Variants in ADAMTS2 observed in about 807,000 individuals in gnomAD.
ADAMTS2 encodes A disintegrin and metalloproteinase with thrombospondin motifs 2.
In ADAMTS2, 50 loss-of-function variants were observed where a neutral mutation model predicts 123.0. The ratio of observed to expected loss-of-function variants is 0.41; its 90% CI spans 0.32 to 0.51. The LOEUF (loss-of-function observed/expected upper bound fraction) is 0.51. Among genes scored for constraint, ADAMTS2 ranks in the 20% least tolerant of loss-of-function variants. The pLI, the probability that ADAMTS2 is intolerant of heterozygous loss-of-function variation, is 0.35. For synonymous variants in ADAMTS2, 678 were observed against 695.4 expected, an observed-to-expected ratio of 0.98 and a Z score of 0.39; for missense variants, 1,494 against 1,705.2, an observed-to-expected ratio of 0.88 and a Z score of 2.18.
chr5:179,134,694 C>T (rs1324847811), intron 13 of ADAMTS2, among the ~76,000 whole-genome samples: 1 of 152,166 alleles, frequency 6.6e-6, no homozygotes, highest in Non-Finnish European at 1.5e-5. Flanking sequence ...GTCACAGGAG[C>T]AAATGCAGAG....
At chr5:179,209,109 C>G (rs977921799) in intron 3 of ADAMTS2, among the ~76,000 whole-genome samples, 1 of 152,230 alleles carries the variant, frequency 6.6e-6, no homozygotes, top group African/African-American at 2.4e-5. Context: ...GCAGGCGGCA[C>G]GGCCACTCGG....
chr5:179,142,673 T>C (rs544179119), intron 10 of ADAMTS2, among the ~76,000 whole-genome samples: 19 of 152,298 alleles, frequency 1.2e-4, no homozygotes, highest in Admixed American at 1.1e-3. Context: ...CTAATGCCAC[T>C]ACCCCAGGGC....
At chr5:179,340,958 C>A (rs1275287078) in intron 2 of ADAMTS2, among the ~76,000 whole-genome samples, 1 of 152,188 alleles carries the variant, frequency 6.6e-6, no homozygotes, top group Non-Finnish European at 1.5e-5. Flanking sequence ...TTTGCTCATG[C>A]CTTGTGCAAA....
chr5:179,273,311 C>T (rs1005329407), intron 2 of ADAMTS2, among the ~76,000 whole-genome samples: 3 of 152,126 alleles, frequency 2.0e-5, no homozygotes, highest in Non-Finnish European at 4.4e-5. Context: ...TATACACCAA[C>T]CCTGTCTGCT....
intron 3 of ADAMTS2, among the ~76,000 whole-genome samples, chr5:179,229,228 C>T (rs752001986): frequency 5.9e-5 from 9 of 152,176 alleles, no homozygotes; most frequent in Non-Finnish European, 1.2e-4. Flanking sequence ...AGTGACTTGG[C>T]CGTGATCAAA....
chr5:179,291,294 C>A (rs1450562951), intron 2 of ADAMTS2, among the ~76,000 whole-genome samples: 1 of 152,198 alleles, frequency 6.6e-6, no homozygotes, highest in Non-Finnish European at 1.5e-5. Flanking sequence ...CAGGGGTGGG[C>A]AGTGGCAGCA....
At chr5:179,218,784 C>T (rs989287927) in intron 3 of ADAMTS2, among the ~76,000 whole-genome samples, 1 of 152,194 alleles carries the variant, frequency 6.6e-6, no homozygotes, top group Non-Finnish European at 1.5e-5. Flanking sequence ...CCAGCCCAGG[C>T]CTGCTCAGCC....
At chr5:179,278,929 A>G (rs1354823801) in intron 2 of ADAMTS2, among the ~76,000 whole-genome samples, 1 of 151,432 alleles carries the variant, frequency 6.6e-6, no homozygotes, top group African/African-American at 2.4e-5. Flanking sequence ...TTAAAAATTT[A>G]TAAAGATCCA....
At chr5:179,324,935 C>A (rs1019286880) in intron 2 of ADAMTS2, among the ~76,000 whole-genome samples, 2 of 149,350 alleles carry the variant, frequency 1.3e-5, no homozygotes, top group East Asian at 2.0e-4. Flanking sequence ...GGGACCCCCC[C>A]ACTGTCTGCT....
At chr5:179,295,663 A>G (rs1256394208) in intron 2 of ADAMTS2, among the ~76,000 whole-genome samples, 1 of 152,144 alleles carries the variant, frequency 6.6e-6, no homozygotes, top group African/African-American at 2.4e-5. Context: ...TGCAACCACC[A>G]CAGACTCAGG....
In ADAMTS2 at chr5:179,189,511, T is replaced by C. The variant is rs454939; in HGVS notation, c.892-8356A>G. Among the ~76,000 whole-genome samples, 3,442 of 12,034 alleles carry C rather than the reference T, an allele frequency of 0.29. 279 individuals are homozygous for C. Among genetic ancestry groups the C allele is most frequent in the Middle Eastern group, 0.5 (8 of 16 alleles). 7.9% of individuals were successfully genotyped at this position (12,034 alleles called of 152,430 possible). On this transcript the variant is annotated intron_variant, in intron 4 of 21. Transcript: ENST00000251582. This position sits in a 1 kb window ranked among gnomAD's most constrained non-coding sequence, Gnocchi z 4.2. ...TACAGGCGCCCGCCAGTGCGCCTGGTTTTTTTTTTTTTTTTTTTTTTTTTT... is the reference window on the plus strand; with the variant it reads ...TACAGGCGCCCGCCAGTGCGCCTGGCTTTTTTTTTTTTTTTTTTTTTTTTT...
At chr5:179,251,972 G>T (rs978123360) in intron 3 of ADAMTS2, among the ~76,000 whole-genome samples, 3 of 150,510 alleles carry the variant, frequency 2.0e-5, no homozygotes, top group Admixed American at 6.6e-5. Context: ...GAACTCAGAG[G>T]TTTTGTGTCT....
In ADAMTS2 at chr5:179,303,704, TA is replaced by T. The variant is rs1756596004; in HGVS notation, c.535-30641del. 6.6e-6 allele frequency among the ~76,000 whole-genome samples: 1 copy of T among 152,238 alleles called. No homozygotes were observed. The highest frequency in any genetic ancestry group is 2.4e-5 in the African/African-American group (1 of 41,472). The stretch of plus-strand genomic sequence containing the variant: ...CAGCTCATGGCAGCCCACAGGCACC[TA>T]AAACTCTAAGAGGGGAGCCTGGCTG... On this transcript the variant is annotated intron_variant, in intron 2 of 21. Transcript: ENST00000251582. The surrounding 1 kb of genome is among the most constrained non-coding windows in gnomAD (Gnocchi z 4.7).
chr5:179,326,192 T>TTG (rs575504324), intron 2 of ADAMTS2, among the ~76,000 whole-genome samples: 2,551 of 130,892 alleles, frequency 0.019, 69 homozygotes, highest in African/African-American at 0.064. Flanking sequence ...GAAATGGCGT[T>TTG]TGTGTGTGCG....
intron 2 of ADAMTS2, among the ~76,000 whole-genome samples, chr5:179,326,503 A>G (rs1420188972): frequency 1.1e-3 from 2 of 1,834 alleles, no homozygotes; most frequent in Non-Finnish European, 2.5e-3. Context: ...CCCCACTCCC[A>G]TGCCCGCCCA....
At chr5:179,172,602 C>A (rs1763846305) in intron 5 of ADAMTS2, among the ~76,000 whole-genome samples, 1 of 152,234 alleles carries the variant, frequency 6.6e-6, no homozygotes, top group Admixed American at 6.5e-5. Flanking sequence ...GACCCCCTGC[C>A]CCAGCCACAG....
chr5:179,233,916 C>A (rs1473981395), intron 3 of ADAMTS2, among the ~76,000 whole-genome samples: 1 of 152,106 alleles, frequency 6.6e-6, no homozygotes, highest in Non-Finnish European at 1.5e-5. Context: ...ACACAGCCCT[C>A]CCCAAGCCAA....
At chr5:179,136,078 C>T (rs769295667) in intron 12 of ADAMTS2, 36 bp from the exon 13 acceptor site, 2 of 1,612,826 alleles carry the variant, frequency 1.2e-6, no homozygotes, top group East Asian at 4.5e-5. Flanking sequence ...GCAAGGAGCC[C>T]TGATGGCTTC....
rs545533702 is a variant in ADAMTS2, at chr5:179,174,039, A to G, written c.975+7033T>C. 2.6e-5 allele frequency among the ~76,000 whole-genome samples: 4 copies of G among 152,040 alleles called. No individual in the cohort carries two copies. The East Asian group carries it at 7.7e-4, about 29-fold the overall frequency. On this transcript the variant is annotated intron_variant, in intron 5 of 21. Coordinates refer to ENST00000251582, the MANE Select transcript of ADAMTS2 (RefSeq NM_014244.5). ...AAAAAAAAAAAAAAAAGAAAGAAAA[A>G]AAGAACATTTTTAAGGGCAGTGATA...
Sources: gnomAD v4.1 joint callset for allele counts (sites outside exome capture counted in the v4.1 genomes callset) on GRCh38, gnomAD v4.1.1 for gene constraint, Gnocchi (gnomAD v3.1) non-coding constraint, MANE v1.5 for transcripts, NCBI Gene and HGNC (gene_info 2026-07-23, HGNC 2026-07-21) for gene names.